The following SLAIN1 variants were observed in gnomAD, a reference collection of about 807,000 sequenced individuals.
SLAIN1 encodes SLAIN family member 1.
Under a neutral mutation model 55.4 loss-of-function variants are expected in SLAIN1, and 17 were observed. That is an observed-to-expected ratio of 0.31 (90% CI 0.21 to 0.46). The LOEUF (loss-of-function observed/expected upper bound fraction) is 0.46, where lower values mean the gene tolerates loss of function less well. SLAIN1 is among the 20% of genes least tolerant of loss of function. The pLI, the probability that SLAIN1 is intolerant of heterozygous loss-of-function variation, is 1.00. For missense variants in SLAIN1, 682 were observed against 785.1 expected, an observed-to-expected ratio of 0.87 and a Z score of 1.57; for synonymous variants, 348 against 337.4, an observed-to-expected ratio of 1.03 and a Z score of -0.35.
intron 2 of SLAIN1, among the ~76,000 whole-genome samples, chr13:77,740,249 G>A (rs779352123): frequency 5.3e-5 from 8 of 152,028 alleles, no homozygotes; most frequent in African/African-American, 9.7e-5. Flanking sequence ...GGTTTGCTCA[G>A]GGCAGTGTTG....
intron 2 of SLAIN1, among the ~76,000 whole-genome samples, chr13:77,721,033 C>A (rs368649151): frequency 1.3e-5 from 2 of 152,010 alleles, no homozygotes; most frequent in Admixed American, 6.6e-5. Context: ...CTAAGTGACT[C>A]GAAGAAAACT....
intron 2 of SLAIN1, among the ~76,000 whole-genome samples, chr13:77,732,849 T>G (rs1872943534): frequency 6.6e-6 from 1 of 152,090 alleles, no homozygotes; most frequent in Non-Finnish European, 1.5e-5. Context: ...ATAGTCAAGA[T>G]AACTTCCCCT....
chr13:77,760,835 A>G lies in SLAIN1; in HGVS notation c.1422A>G (p.Ser474=). 6.2e-7 allele frequency: 1 copy of G among 1,613,128 alleles called. No homozygotes were observed. Among genetic ancestry groups the G allele is most frequent in the Non-Finnish European group, 8.5e-7 (1 of 1,179,596 alleles). Residue 474 remains serine, a synonymous_variant, in exon 6 of 7, where the codon TCA becomes TCG. Coordinates refer to ENST00000418532, the MANE Select transcript of SLAIN1 (RefSeq NM_001242868.2). ...TATCATTTTCTCTTCTAGTTCCATC[A>G]CCGGGACAGCTTCAACACAGGGTCC... is the stretch of plus-strand genomic sequence containing the variant. ...GISRIQSCIP[S]PGQLQHRVHS...
At chr13:77,711,801 A>G (rs1190386434) in intron 1 of SLAIN1, among the ~76,000 whole-genome samples, 3 of 152,206 alleles carry the variant, frequency 2.0e-5, no homozygotes, top group Non-Finnish European at 4.4e-5. Context: ...AATATCCCTG[A>G]TGAACATCGA....
At chr13:77,732,218 T>G (rs1444314249) in intron 2 of SLAIN1, among the ~76,000 whole-genome samples, 1 of 152,136 alleles carries the variant, frequency 6.6e-6, no homozygotes, top group African/African-American at 2.4e-5. Flanking sequence ...CACTCTTCCA[T>G]TCAATAACTG....
chr13:77,712,447 G>T (rs2091161880), intron 1 of SLAIN1, among the ~76,000 whole-genome samples: 1 of 152,124 alleles, frequency 6.6e-6, no homozygotes, highest in African/African-American at 2.4e-5. Context: ...AATCATGAGT[G>T]AACTCCCATT....
chr13:77,718,563 G>C (rs2091230383), intron 1 of SLAIN1, among the ~76,000 whole-genome samples: 1 of 152,152 alleles, frequency 6.6e-6, no homozygotes, highest in Non-Finnish European at 1.5e-5. Flanking sequence ...TGAACGTTTT[G>C]TCTAGAACAG....
intron 2 of SLAIN1, among the ~76,000 whole-genome samples, chr13:77,743,775 C>G (rs763051804): frequency 4.0e-5 from 6 of 151,820 alleles, no homozygotes; most frequent in Non-Finnish European, 8.8e-5. Context: ...GTATGTGTGC[C>G]TTTTAGATGT....
chr13:77,753,149 G>A, intron 4 of SLAIN1, 54 bp from the exon 5 acceptor site: 1 of 1,484,870 alleles, frequency 6.7e-7, no homozygotes, highest in East Asian at 2.4e-5. Context: ...TTGAAAGCTA[G>A]TACTTTGGTT....
intron 2 of SLAIN1, among the ~76,000 whole-genome samples, chr13:77,735,284 G>C (rs1800720015): frequency 6.6e-6 from 1 of 152,044 alleles, no homozygotes; most frequent in Non-Finnish European, 1.5e-5. Flanking sequence ...TGGAACTCGG[G>C]CATCTGAATT....
chr13:77,716,759 A>G (rs1191557398), intron 1 of SLAIN1, among the ~76,000 whole-genome samples: 2 of 152,118 alleles, frequency 1.3e-5, no homozygotes, highest in East Asian at 3.9e-4. Flanking sequence ...CACTTATGCT[A>G]TTATCATTTT....
intron 2 of SLAIN1, 35 bp from the exon 3 acceptor site, chr13:77,744,248 C>A: frequency 7.0e-7 from 1 of 1,427,866 alleles, no homozygotes; most frequent in African/African-American, 1.4e-5. Flanking sequence ...ATCAGTCCTG[C>A]AGATGGAAGA....
intron 2 of SLAIN1, chr13:77,741,409 T>C: frequency 4.1e-6 from 4 of 987,512 alleles, no homozygotes; most frequent in Non-Finnish European, 4.8e-6. Flanking sequence ...GTCTGTGTTC[T>C]GGCTCCGATT....
At chr13:77,699,309 A>G in intron 1 of SLAIN1, 1 of 266,554 alleles carries the variant, frequency 3.8e-6, no homozygotes, top group Non-Finnish European at 7.1e-6. Context: ...AAACTGTAGA[A>G]GAAAAGTGAG....
rs1358010831 is a variant in SLAIN1, at chr13:77,698,788, A to G, written c.626+249A>G. The G allele has an allele frequency of 2.3e-6, 3 of 1,284,300 alleles. No homozygotes were observed. Among genetic ancestry groups the G allele is most frequent in the East Asian group, 5.2e-5 (2 of 38,568 alleles). The allele number at this position is 1,284,300 out of a possible 1,614,324, so 79.6% of individuals were successfully genotyped here. A position where few individuals can be genotyped will look rare whatever the true frequency, so the allele number is the denominator to read the frequency against. ...GATGAACCGGCCCCCCCTTCCCCCC[A>G]TCTGCCATGGGTTCTGCTATTTGCT... On this transcript the variant is annotated intron_variant, in intron 1 of 6. Transcript: ENST00000418532. The surrounding 1 kb of genome is among the most constrained non-coding windows in gnomAD (Gnocchi z 4.1).
chr13:77,742,830 C>G (rs1447216225), intron 2 of SLAIN1: 1 of 173,972 alleles, frequency 5.7e-6, no homozygotes, highest in Admixed American at 6.3e-5. Flanking sequence ...ATAAATAGGA[C>G]CCTAATTCAC....
intron 2 of SLAIN1, among the ~76,000 whole-genome samples, chr13:77,733,651 G>A (rs545823655): frequency 6.6e-6 from 1 of 152,232 alleles, no homozygotes; most frequent in Non-Finnish European, 1.5e-5. Flanking sequence ...CCAATTAGGT[G>A]CATTTAGTAG....
chr13:77,727,880 A>G (rs1267398476), intron 2 of SLAIN1, among the ~76,000 whole-genome samples: 1 of 152,214 alleles, frequency 6.6e-6, no homozygotes, highest in Non-Finnish European at 1.5e-5. Flanking sequence ...AACATTCCTA[A>G]TGTACAGATT....
intron 5 of SLAIN1, among the ~76,000 whole-genome samples, chr13:77,757,667 A>C (rs1446124032): frequency 6.6e-6 from 1 of 152,126 alleles, no homozygotes; most frequent in East Asian, 1.9e-4. Context: ...TCCCACTTAC[A>C]TGAGAGAACA....
Sources: allele counts gnomAD v4.1 joint callset (sites outside exome capture counted in the v4.1 genomes callset), GRCh38; gene constraint gnomAD v4.1.1; non-coding constraint Gnocchi (gnomAD v3.1); transcripts MANE v1.5; gene names NCBI Gene and HGNC (gene_info 2026-07-23, HGNC 2026-07-21).